The following LRRC56 variants were observed in gnomAD, a reference collection of about 807,000 sequenced individuals.
LRRC56 encodes the protein leucine-rich repeat-containing protein 56.
In LRRC56, 41 loss-of-function variants were observed where a neutral mutation model predicts 47.8. That is an observed-to-expected ratio of 0.86 (90% CI 0.67 to 1.11). LRRC56 has a LOEUF of 1.11. Among genes scored for constraint, LRRC56 ranks in the 50% most tolerant of loss-of-function variants. The pLI is 0.00. For synonymous variants in LRRC56, 387 were observed against 311.2 expected (o/e 1.24, Z -2.56); for missense variants, 759 against 704.2 (o/e 1.08, Z -0.88).
the LRRC56 span, among the ~76,000 whole-genome samples, chr11:507,462 TGGTGCC>T: frequency 6.9e-6 from 1 of 145,152 alleles, no homozygotes; most frequent in Non-Finnish European, 1.5e-5. Context: ...AGGCGGGGCT[TGGTGCC>T]GGGGGCGGGG....
rs1305434035 is a variant in LRRC56, at chr11:545,063, G to A, written c.326+283G>A. On this transcript the variant is annotated intron_variant, in intron 6 of 13. Coordinates refer to ENST00000270115, the MANE Select transcript of LRRC56 (RefSeq NM_198075.4). The stretch of plus-strand genomic sequence containing the variant: ...GAGGTCCTGGGCCAGCCTGACTCCC[G>A]GGGGTCCTGCCTATGCCCTGTGGTC... 5.9e-5 allele frequency among the ~76,000 whole-genome samples: 9 copies of A among 152,240 alleles called. No homozygotes were observed. The East Asian group carries it at 1.5e-3, about 26-fold the overall frequency.
the LRRC56 span, chr11:532,295 C>A: frequency 2.1e-6 from 1 of 479,052 alleles, no homozygotes; most frequent in Non-Finnish European, 3.8e-6. Flanking sequence ...CAAGGGCCCA[C>A]AGAGGCCTGG....
chr11:541,511 C>T lies in LRRC56; in HGVS notation c.178-26C>T, dbSNP rs752978854. 14 of 1,439,362 alleles carry T rather than the reference C, an allele frequency of 9.7e-6. No individual in the cohort carries two copies. The highest frequency in any genetic ancestry group is 7.2e-5 in the African/African-American group (5 of 69,512). The allele number at this position is 1,439,362 out of a possible 1,614,324, so 89.2% of individuals were successfully genotyped here. On this transcript the variant is annotated intron_variant, in intron 4 of 13. Coordinates refer to ENST00000270115, the MANE Select transcript of LRRC56 (RefSeq NM_198075.4). This position sits in a 1 kb window ranked among gnomAD's most constrained non-coding sequence, Gnocchi z 4.1. ...CTAAAGTGGGGAGAGCCAGGACCAGCGCTGACCCCCGGTTGGTTTCTACAG... is the reference window on the plus strand; with the variant it reads ...CTAAAGTGGGGAGAGCCAGGACCAGTGCTGACCCCCGGTTGGTTTCTACAG...
Position 551,645 on chromosome 11 carries a change from G to A in LRRC56, c.797-6G>A, listed in dbSNP as rs370905853. Reference sequence around the variant, plus strand: ...TTGGTGACCTCTGCTTCTGAACCTCGGGCAGACTGTCCCCGTGGAGCCCCC... The same window carrying A: ...TTGGTGACCTCTGCTTCTGAACCTCAGGCAGACTGTCCCCGTGGAGCCCCC... On this transcript the variant is annotated splice_polypyrimidine_tract_variant and splice_region_variant and intron_variant, in intron 9 of 13. Coordinates refer to ENST00000270115, the MANE Select transcript of LRRC56 (RefSeq NM_198075.4). 5.2e-6 allele frequency: 8 copies of A among 1,550,824 alleles called. No individual in the cohort carries two copies. Among genetic ancestry groups the A allele is most frequent in the African/African-American group, 2.7e-5 (2 of 72,760 alleles).
At chr11:531,986 C>T in the LRRC56 span, among the ~76,000 whole-genome samples, 1 of 152,206 alleles carries the variant, frequency 6.6e-6, no homozygotes, top group Non-Finnish European at 1.5e-5. Flanking sequence ...ACCAGGACGC[C>T]CTCCTAGTTG....
Position 540,696 on chromosome 11 carries a change from C to T in LRRC56, c.12C>T (p.Gly4=). Residue 4 remains glycine, a synonymous_variant, in exon 4 of 14, where the codon GGC becomes GGT. Coordinates refer to ENST00000270115, the MANE Select transcript of LRRC56 (RefSeq NM_198075.4). ...CAGGTGACATGTGAATGGATCTGGGCTGGGACAGATCCCGTGGGCCTCGGC... is the reference window on the plus strand; with the variant it reads ...CAGGTGACATGTGAATGGATCTGGGTTGGGACAGATCCCGTGGGCCTCGGC... MDL[G]WDRSRGPRRS... 1.2e-6 allele frequency: 2 copies of T among 1,612,696 alleles called. No individual in the cohort carries two copies. Among genetic ancestry groups the T allele is most frequent in the Non-Finnish European group, 1.7e-6 (2 of 1,179,806 alleles).
At chr11:542,618 C>T (rs1182205425) in intron 5 of LRRC56, among the ~76,000 whole-genome samples, 2 of 132,224 alleles carry the variant, frequency 1.5e-5, no homozygotes, top group East Asian at 4.1e-4. Context: ...TCCCTCCCCG[C>T]CCTCCGCCAG....
At position 551,773 on chromosome 11, in the gene LRRC56, G is replaced by A. The variant is rs1165037903; in HGVS notation, c.919G>A (p.Gly307Ser). 6.2e-7 allele frequency: 1 copy of A among 1,610,544 alleles called. No individual in the cohort carries two copies. The highest frequency in any genetic ancestry group is 2.2e-5 in the East Asian group (1 of 44,864). The change falls in exon 10 of 14, where the codon GGC becomes AGC. Residue 307 changes from glycine to serine, a missense_variant. Coordinates refer to ENST00000270115, the MANE Select transcript of LRRC56 (RefSeq NM_198075.4). ...GGTCCGTGGGGGCCCCCTGCCTGAA[G>A]GCCTGCTTTCTGAGGACCTGGCCCC... ...LLVRGGPLPE[G>S]LLSEDLAPED...
Position 541,657 on chromosome 11 carries a change from C to T in LRRC56, c.265+33C>T. On this transcript the variant is annotated intron_variant, in intron 5 of 13. Coordinates refer to ENST00000270115, the MANE Select transcript of LRRC56 (RefSeq NM_198075.4). This position sits in a 1 kb window ranked among gnomAD's most constrained non-coding sequence, Gnocchi z 4.1. ...TCTTCCCACCCCGCCATGGCCACGG[C>T]CACGGCCACGCCTCCCTGTAAACAA... The T allele has an allele frequency of 7.4e-7, 1 of 1,343,496 alleles. No individual in the cohort carries two copies. The highest frequency in any genetic ancestry group is 1.0e-6 in the Non-Finnish European group (1 of 969,870). The allele number at this position is 1,343,496 out of a possible 1,614,324, so 83.2% of individuals were successfully genotyped here.
At chr11:538,154 C>T (rs565305783) in intron 1 of LRRC56, among the ~76,000 whole-genome samples, 1 of 152,238 alleles carries the variant, frequency 6.6e-6, no homozygotes, top group East Asian at 1.9e-4. Context: ...TCAATGGGGT[C>T]TTTGGATCCC....
At chr11:543,673 G>A (rs1017301761) in intron 5 of LRRC56, among the ~76,000 whole-genome samples, 2 of 152,146 alleles carry the variant, frequency 1.3e-5, no homozygotes, top group Admixed American at 6.5e-5. Flanking sequence ...TGGCTAACCC[G>A]CAGCCATCTG....
At chr11:528,083 G>A in the LRRC56 span, among the ~76,000 whole-genome samples, 4 of 152,136 alleles carry the variant, frequency 2.6e-5, no homozygotes, top group Non-Finnish European at 4.4e-5. Flanking sequence ...TGATCCACCC[G>A]CCTCAGCCTC....
the LRRC56 span, among the ~76,000 whole-genome samples, chr11:519,254 G>A: frequency 1.3e-5 from 2 of 150,152 alleles, no homozygotes; most frequent in East Asian, 3.9e-4. Context: ...CTGATACACA[G>A]GTGAGCTTTA....
At chr11:528,672 G>A in the LRRC56 span, 2 of 152,214 alleles carry the variant, frequency 1.3e-5, no homozygotes, top group Non-Finnish European at 2.9e-5. Context: ...CGAGCCACGG[G>A]GGTGACAGTG....
At chr11:507,392 G>A in the LRRC56 span, 1 of 152,258 alleles carries the variant, frequency 6.6e-6, no homozygotes, top group Non-Finnish European at 1.5e-5. Context: ...GCAGCGGCGG[G>A]GCCTGGTGGG....
In LRRC56 at chr11:551,934, C is replaced by G. The variant is rs1416527591; in HGVS notation, c.1005C>G (p.Thr335=). 1.2e-6 allele frequency: 2 copies of G among 1,612,514 alleles called. No individual in the cohort carries two copies. Among genetic ancestry groups the G allele is most frequent in the African/African-American group, 2.7e-5 (2 of 74,924 alleles). Residue 335 remains threonine, a synonymous_variant, in exon 11 of 14, where the codon ACC becomes ACG. Coordinates refer to ENST00000270115, the MANE Select transcript of LRRC56 (RefSeq NM_198075.4). ...GAGQVLCGNP[T]KGLRERRHQC... ...GCCAAGTCCTCTGTGGGAACCCCAC[C>G]AAGGGCCTGCGGGAGCGTAGGCACC...
At position 551,299 on chromosome 11, in the gene LRRC56, C is replaced by G. The variant is rs1011265241; in HGVS notation, c.793C>G (p.Leu265Val). 4 of 1,515,650 alleles carry G rather than the reference C, an allele frequency of 2.6e-6. No homozygotes were observed. The highest frequency in any genetic ancestry group is 2.7e-6 in the Non-Finnish European group (3 of 1,122,136). The allele number at this position is 1,515,650 out of a possible 1,614,324, so 93.9% of individuals were successfully genotyped here. The stretch of plus-strand genomic sequence containing the variant: ...CAAGAAGGGCAACGGCCTTCCCCCG[C>G]TGGGTACGGCAGCTGCGCCCGGAGG... ...AIKKGNGLPP[L>V]DCPRGAPIRR... The change falls in exon 9 of 14, where the codon CTG becomes GTG. Residue 265 changes from leucine to valine, a missense_variant. Leu to Val is a conservative substitution (Grantham distance 32). Transcript: ENST00000270115.
upstream of LRRC56, chr11:533,627 G>A (rs1404106769): frequency 3.1e-6 from 5 of 1,613,644 alleles, no homozygotes; most frequent in Non-Finnish European, 4.2e-6. Flanking sequence ...GAGGTGGAAA[G>A]CGAGAGCTGG....
chr11:553,774 C>G (rs1351349300), intron 13 of LRRC56, among the ~76,000 whole-genome samples, 189 bp from the exon 14 acceptor site: 7 of 152,128 alleles, frequency 4.6e-5, no homozygotes, highest in Non-Finnish European at 8.8e-5. Flanking sequence ...GAGGTGGGCC[C>G]GCCCATGCGA....
Sources: gnomAD v4.1 joint callset for allele counts (sites outside exome capture counted in the v4.1 genomes callset) on GRCh38, gnomAD v4.1.1 for gene constraint, Gnocchi (gnomAD v3.1) non-coding constraint, MANE v1.5 for transcripts, NCBI Gene and HGNC (gene_info 2026-07-23, HGNC 2026-07-21) for gene names.